Variants in PPAT observed in about 807,000 individuals in gnomAD.
PPAT encodes the protein phosphoribosyl pyrophosphate amidotransferase, also known as amidophosphoribosyltransferase.
In PPAT, 20 loss-of-function variants were observed where a neutral mutation model predicts 60.2. That is an observed-to-expected ratio of 0.33 (90% confidence interval 0.23 to 0.48). The LOEUF (loss-of-function observed/expected upper bound fraction) is 0.48, where lower values mean the gene tolerates loss of function less well. Among genes scored for constraint, PPAT ranks in the 20% least tolerant of loss-of-function variants. The pLI is 0.99. For synonymous variants in PPAT, 194 were observed against 215.1 expected (o/e 0.90, Z 0.86); for missense variants, 349 against 629.6 (o/e 0.55, Z 4.77).
rs3036860 is a variant in PPAT at position 56,395,230 on chromosome 4, A to ATAAAGG, written c.*121_*122insCCTTTA. On this transcript the variant is annotated 3_prime_UTR_variant, in exon 11 of 11. Transcript: ENST00000264220. Reference sequence around the variant, plus strand: ...AGAAAAAAAAAAAATCTCAAAACTTATAAACATAAGCATGGCATTTTACAT... The same window carrying ATAAAGG: ...AGAAAAAAAAAAAATCTCAAAACTTATAAAGGTAAACATAAGCATGGCATTTTACAT... 4,957 of 940,030 alleles carry ATAAAGG rather than the reference A, an allele frequency of 5.3e-3. 228 individuals carry two copies. The African/African-American group carries it at 0.079, about 15-fold the overall frequency. 58.2% of individuals were successfully genotyped at this position (940,030 alleles called of 1,614,324 possible).
rs67333883 is a variant in PPAT, at chr4:56,422,466, G to GT, written c.128+12883dup. 427 of 142,124 alleles carry GT rather than the reference G, an allele frequency of 3.0e-3. 1 individual carries two copies. Among genetic ancestry groups the GT allele is most frequent in the Non-Finnish European group, 5.5e-3 (359 of 65,708 alleles). 8.8% of individuals were successfully genotyped at this position (142,124 alleles called of 1,614,324 possible). ...TTGACACACATAAAATAATATTCTG[G>GT]TTTTTTTTTTTTGTACGTGTGTGTG... On this transcript the variant is annotated intron_variant, in intron 1 of 10. Coordinates refer to ENST00000264220, the MANE Select transcript of PPAT (RefSeq NM_002703.5).
At position 56,407,684 on chromosome 4, in the gene PPAT, T is replaced by C. The variant is rs144550932; in HGVS notation, c.161A>G (p.Asp54Gly). 5 of 1,606,306 alleles carry C rather than the reference T, an allele frequency of 3.1e-6. No homozygotes were observed. In the African/African-American group the frequency reaches 6.7e-5, roughly 21 times the overall value. Residue 54 changes from aspartate (D) to glycine (G), a missense_variant, in exon 2 of 11, where the codon GAT (aspartate) becomes GGT (glycine). By Grantham distance (94) the Asp-to-Gly change is moderately conservative. Coordinates refer to ENST00000264220, the MANE Select transcript of PPAT (RefSeq NM_002703.5). ...TTTGAATGTTGGCACCGAACTCCCA[T>C]CACTAGTCACAATACCAGCACTCTC... ...GQESAGIVTSDGSSVPTFKSH... is the reference protein window; with the variant it reads ...GQESAGIVTSGGSSVPTFKSH...
chr4:56,427,796 CTGGGT>C (rs748901508), intron 1 of PPAT, among the ~76,000 whole-genome samples: 1 of 152,138 alleles, frequency 6.6e-6, no homozygotes, highest in African/African-American at 2.4e-5. Context: ...CAAAATAATA[CTGGGT>C]CCACTGCAGG....
intron 1 of PPAT, among the ~76,000 whole-genome samples, chr4:56,414,962 G>A (rs934899329): frequency 1.3e-5 from 2 of 152,118 alleles, no homozygotes; most frequent in Admixed American, 1.3e-4. Context: ...AAATACAACT[G>A]TGCCATCTGA....
Position 56,397,529 on chromosome 4 carries a change from T to C in PPAT, c.1237-790A>G, listed in dbSNP as rs541765119. Among the ~76,000 whole-genome samples the C allele has an allele frequency of 2.6e-5, 4 of 152,314 alleles. No individual in the cohort carries two copies. In the South Asian group the frequency reaches 6.2e-4, roughly 24 times the overall value. ...ACAGTGAGATTTTATTTTTGATTTT[T>C]CAGAGATGGGGTATATGTTGCCCAG... On this transcript the variant is annotated intron_variant, in intron 9 of 10. Transcript: ENST00000264220.
chr4:56,404,280 G>A (rs1383317523), intron 3 of PPAT, among the ~76,000 whole-genome samples: 1 of 152,152 alleles, frequency 6.6e-6, no homozygotes, highest in Non-Finnish European at 1.5e-5. Flanking sequence ...GATGAACTGG[G>A]TATATTCCTA....
At chr4:56,418,443 C>G (rs1716883521) in intron 1 of PPAT, among the ~76,000 whole-genome samples, 1 of 152,124 alleles carries the variant, frequency 6.6e-6, no homozygotes, top group African/African-American at 2.4e-5. Context: ...CCTCAGCCTC[C>G]CAAATACCTG....
rs1716204858 is a variant in PPAT at position 56,404,855 on chromosome 4, A to ACC, written c.403-1456_403-1455dup. Reference sequence around the variant, plus strand: ...AAAGCCTGGGTTCTAGATATTTTTGACCCAGCAGTTCATTATTATTAAGCT... The same window carrying ACC: ...AAAGCCTGGGTTCTAGATATTTTTGACCCCCAGCAGTTCATTATTATTAAGCT... On this transcript the variant is annotated intron_variant, in intron 3 of 10. Transcript: ENST00000264220. 2.0e-5 allele frequency among the ~76,000 whole-genome samples: 3 copies of ACC among 152,236 alleles called. No individual in the cohort carries two copies. The South Asian group carries it at 6.2e-4, about 32-fold the overall frequency.
At chr4:56,426,190 C>G (rs908977172) in intron 1 of PPAT, among the ~76,000 whole-genome samples, 3 of 152,148 alleles carry the variant, frequency 2.0e-5, no homozygotes, top group African/African-American at 7.2e-5. Flanking sequence ...AACACGAGGT[C>G]AAGAGATCAA....
At chr4:56,435,248 C>G in intron 1 of PPAT, 102 bp downstream of exon 1, 4 of 1,534,948 alleles carry the variant, frequency 2.6e-6, no homozygotes, top group Non-Finnish European at 3.5e-6. Context: ...TCGGAGAGGT[C>G]GGTCCTCCCG....
intron 8 of PPAT, chr4:56,400,211 A>C (rs941924712): frequency 1.3e-5 from 2 of 152,388 alleles, no homozygotes. Context: ...TGAAGACAAC[A>C]ATGAGGATGA....
chr4:56,424,678 G>A (rs1717203374), intron 1 of PPAT, among the ~76,000 whole-genome samples: 1 of 152,136 alleles, frequency 6.6e-6, no homozygotes, highest in Non-Finnish European at 1.5e-5. Context: ...GAGGATAAAA[G>A]GAATCAAGAA....
At chr4:56,418,643 T>G (rs1009887308) in intron 1 of PPAT, among the ~76,000 whole-genome samples, 5 of 152,226 alleles carry the variant, frequency 3.3e-5, no homozygotes, top group Non-Finnish European at 7.4e-5. Flanking sequence ...TTAATAATAT[T>G]ACATCCAATT....
intron 1 of PPAT, among the ~76,000 whole-genome samples, chr4:56,429,175 G>A (rs1474650808): frequency 6.6e-6 from 1 of 152,190 alleles, no homozygotes; most frequent in Admixed American, 6.5e-5. Context: ...ATAGCTCACT[G>A]AGTGAAAGTT....
intron 3 of PPAT, chr4:56,404,032 A>G (rs780753467): frequency 1.3e-5 from 6 of 451,704 alleles, no homozygotes; most frequent in South Asian, 9.4e-5. Flanking sequence ...GACTGGTACT[A>G]GTCCCTAGCA....
At chr4:56,420,646 T>C (rs1384345219) in intron 1 of PPAT, 1 of 152,156 alleles carries the variant, frequency 6.6e-6, no homozygotes, top group African/African-American at 2.4e-5. Context: ...AAAGCAAATA[T>C]GCAACCCCAG....
intron 1 of PPAT, among the ~76,000 whole-genome samples, chr4:56,413,975 G>C (rs570957366): frequency 1.1e-3 from 162 of 152,220 alleles, no homozygotes; most frequent in African/African-American, 3.8e-3. Context: ...ATACAAATTG[G>C]TAACTTTTAA....
chr4:56,419,956 C>A, intron 1 of PPAT: 2 of 983,886 alleles, frequency 2.0e-6, no homozygotes, highest in Non-Finnish European at 2.4e-6. Flanking sequence ...ATTCTGGGAC[C>A]CAATAAAACA....
In PPAT at chr4:56,419,456, G is replaced by A. The variant is rs79311263; in HGVS notation, c.129-11740C>T. ...ATAATAATGGACAGATTTAGGTTCT[G>A]TATTTTGTTTCCCCACTGTTTAAGA... On this transcript the variant is annotated intron_variant, in intron 1 of 10. Coordinates refer to ENST00000264220, the MANE Select transcript of PPAT (RefSeq NM_002703.5). Among the ~76,000 whole-genome samples the A allele has an allele frequency of 1.1e-4, 16 of 152,270 alleles. No individual in the cohort carries two copies. The East Asian group carries it at 3.1e-3, about 29-fold the overall frequency.
Sources: allele counts gnomAD v4.1 joint callset (sites outside exome capture counted in the v4.1 genomes callset), GRCh38; gene constraint gnomAD v4.1.1; transcripts MANE v1.5; gene names NCBI Gene and HGNC (gene_info 2026-07-23, HGNC 2026-07-21).